The following RNF217 variants were observed in gnomAD, a reference collection of about 807,000 sequenced individuals.
The protein encoded by RNF217 is ring finger protein 217.
Under a neutral mutation model 57.8 loss-of-function variants are expected in RNF217, and 31 were observed. The observed-to-expected ratio is 0.54, with a 90% CI of 0.40 to 0.72. RNF217 has a LOEUF of 0.72. Among genes scored for constraint, RNF217 ranks in the 30% least tolerant of loss-of-function variants. RNF217 has a pLI of 0.00. For synonymous variants in RNF217, 313 were observed against 294.0 expected, an observed-to-expected ratio of 1.06 and a Z score of -0.66; for missense variants, 696 against 708.3, an observed-to-expected ratio of 0.98 and a Z score of 0.20.
chr6:124,990,443 T>C (rs146398255), intron 1 of RNF217, among the ~76,000 whole-genome samples: 18 of 152,324 alleles, frequency 1.2e-4, no homozygotes, highest in African/African-American at 4.1e-4. Flanking sequence ...ATCTCAAATT[T>C]GACATCTCAA....
At chr6:125,060,132 G>A (rs560698911) in intron 3 of RNF217, among the ~76,000 whole-genome samples, 2 of 152,140 alleles carry the variant, frequency 1.3e-5, no homozygotes, top group East Asian at 1.9e-4. Flanking sequence ...ATATTACTGA[G>A]TGAATTAATA....
chr6:125,067,246 CCAA>C (rs1787968024), intron 3 of RNF217, among the ~76,000 whole-genome samples: 1 of 152,116 alleles, frequency 6.6e-6, no homozygotes, highest in South Asian at 2.1e-4. Context: ...GCTGGAGAAG[CCAA>C]CAAGAGCTGG....
At chr6:125,080,601 A>G (rs923074188) in intron 4 of RNF217, among the ~76,000 whole-genome samples, 12 of 152,004 alleles carry the variant, frequency 7.9e-5, no homozygotes, top group South Asian at 6.2e-4. Context: ...CACATGCCGT[A>G]AGGTTTAAAA....
At chr6:125,033,312 T>A (rs1442554536) in intron 1 of RNF217, among the ~76,000 whole-genome samples, 1 of 145,320 alleles carries the variant, frequency 6.9e-6, no homozygotes, top group Non-Finnish European at 1.5e-5. Context: ...TCATTTAGCA[T>A]TAGGTATATC....
At position 125,086,551 on chromosome 6, in the gene RNF217, C is replaced by A. The variant is rs1305228024; in HGVS notation, c.*3614C>A. On this transcript the variant is annotated 3_prime_UTR_variant, in exon 6 of 6. Transcript: ENST00000521654. ...AGAATATGTTGGCAATTATAAATGCCCACAGCAATTCCCAGAAAAATACAT... is the reference window on the plus strand; with the variant it reads ...AGAATATGTTGGCAATTATAAATGCACACAGCAATTCCCAGAAAAATACAT... 6.6e-6 allele frequency: 1 copy of A among 151,876 alleles called. No homozygotes were observed. Among genetic ancestry groups the A allele is most frequent in the Non-Finnish European group, 1.5e-5 (1 of 67,934 alleles). The allele number at this position is 151,876 out of a possible 1,614,324, so 9.4% of individuals were successfully genotyped here.
chr6:125,060,404 G>A (rs1328767357), intron 3 of RNF217, among the ~76,000 whole-genome samples: 2 of 151,476 alleles, frequency 1.3e-5, no homozygotes, highest in African/African-American at 4.9e-5. Context: ...CCCTACTATA[G>A]GTATATGTTT....
intron 1 of RNF217, among the ~76,000 whole-genome samples, chr6:125,015,945 A>C (rs1785586445): frequency 6.6e-6 from 1 of 152,180 alleles, no homozygotes. Flanking sequence ...TCACCAGCAT[A>C]AGTAGATCTT....
chr6:125,037,239 A>G lies in RNF217; in HGVS notation c.883-7972A>G, dbSNP rs531455372. Among the ~76,000 whole-genome samples the G allele has an allele frequency of 4.6e-5, 7 of 152,264 alleles. No homozygotes were observed. In the South Asian group the frequency reaches 1.5e-3, roughly 32 times the overall value. On this transcript the variant is annotated intron_variant, in intron 1 of 5. Transcript: ENST00000521654. Reference sequence around the variant, plus strand: ...GATCAGTCTTATTTCTGGCAGAAAAAGTTTTACAACTTTATTTTTCTAGAT... The same window carrying G: ...GATCAGTCTTATTTCTGGCAGAAAAGGTTTTACAACTTTATTTTTCTAGAT...
At chr6:125,051,156 G>A (rs1787300077) in intron 2 of RNF217, among the ~76,000 whole-genome samples, 1 of 151,696 alleles carries the variant, frequency 6.6e-6, no homozygotes, top group African/African-American at 2.4e-5. Context: ...ACAGCCAAAT[G>A]TTGGAATTTA....
intron 1 of RNF217, among the ~76,000 whole-genome samples, chr6:125,014,854 C>T (rs1785545594): frequency 6.6e-6 from 1 of 152,148 alleles, no homozygotes; most frequent in African/African-American, 2.4e-5. Flanking sequence ...TTGTTAGGGA[C>T]TCAGTCATGC....
At chr6:125,003,699 A>G (rs1785067307) in intron 1 of RNF217, among the ~76,000 whole-genome samples, 1 of 152,152 alleles carries the variant, frequency 6.6e-6, no homozygotes, top group South Asian at 2.1e-4. Context: ...CCTTATAAAT[A>G]TGTATATATA....
chr6:125,041,524 T>A (rs1786880583), intron 1 of RNF217, among the ~76,000 whole-genome samples: 1 of 152,102 alleles, frequency 6.6e-6, no homozygotes, highest in Non-Finnish European at 1.5e-5. Context: ...GTTCTCTCCC[T>A]CCTTTAGTAT....
chr6:124,972,126 C>G lies in RNF217; in HGVS notation c.882+8700C>G, dbSNP rs1042523443. On this transcript the variant is annotated intron_variant, in intron 1 of 5. Transcript: ENST00000521654. ...TGTTTGCCACATGCTCAAAGCCTTG[C>G]TTCTTTTTTGAGATTCCCTGTTTCC... is the stretch of plus-strand genomic sequence containing the variant. 9.8e-5 allele frequency among the ~76,000 whole-genome samples: 15 copies of G among 152,314 alleles called. 1 individual carries two copies. Among genetic ancestry groups the G allele is most frequent in the African/African-American group, 3.6e-4 (15 of 41,568 alleles).
intron 1 of RNF217, among the ~76,000 whole-genome samples, chr6:124,994,395 C>T (rs1299148361): frequency 6.6e-6 from 1 of 152,110 alleles, no homozygotes; most frequent in African/African-American, 2.4e-5. Context: ...TTCTTTTGAA[C>T]GGAGACATAA....
At chr6:125,037,077 G>GA (rs537686040) in intron 1 of RNF217, among the ~76,000 whole-genome samples, 112 of 134,044 alleles carry the variant, frequency 8.4e-4, no homozygotes, top group East Asian at 2.1e-3. Flanking sequence ...ACAATTTATT[G>GA]AAAAAAAAAA....
intron 3 of RNF217, among the ~76,000 whole-genome samples, chr6:125,074,934 A>C (rs1437433705): frequency 2.0e-5 from 3 of 152,168 alleles, no homozygotes; most frequent in Non-Finnish European, 2.9e-5. Context: ...AACACAATGA[A>C]TAGAAGCCTC....
chr6:124,982,535 CA>C (rs1028842258), intron 1 of RNF217, among the ~76,000 whole-genome samples: 38 of 144,246 alleles, frequency 2.6e-4, no homozygotes, highest in South Asian at 2.0e-3. Flanking sequence ...CCCCAGCCTC[CA>C]AAAAAAAAAG....
At chr6:124,997,462 G>A (rs78109568) in intron 1 of RNF217, among the ~76,000 whole-genome samples, 1 of 31,184 alleles carries the variant, frequency 3.2e-5, no homozygotes, top group Non-Finnish European at 5.2e-5. Flanking sequence ...CACACAACTC[G>A]AGTTAATATA....
intron 1 of RNF217, among the ~76,000 whole-genome samples, chr6:125,035,601 C>T (rs1233435380): frequency 6.6e-6 from 1 of 152,136 alleles, no homozygotes; most frequent in African/African-American, 2.4e-5. Context: ...TCTTCTCACA[C>T]TTTTGTTTGC....
Sources: gnomAD v4.1 joint callset for allele counts (sites outside exome capture counted in the v4.1 genomes callset) on GRCh38, gnomAD v4.1.1 for gene constraint, MANE v1.5 for transcripts, NCBI Gene and HGNC (gene_info 2026-07-23, HGNC 2026-07-21) for gene names.